Variants in FSTL4 observed in about 807,000 individuals in gnomAD.
FSTL4 encodes follistatin-related protein 4.
A neutral mutation model predicts 78.2 loss-of-function variants in FSTL4; 28 were observed. The observed-to-expected ratio is 0.36, with a 90% confidence interval of 0.27 to 0.49. The LOEUF is 0.49. FSTL4 is among the 20% of genes least tolerant of loss of function. The probability of loss-of-function intolerance (pLI) is 0.98; values close to 1 mark genes in which losing one functional copy is unlikely to be tolerated. For missense variants in FSTL4, 922 were observed against 1,084.9 expected, an observed-to-expected ratio of 0.85 and a Z score of 2.11; for synonymous variants, 422 against 440.5, an observed-to-expected ratio of 0.96 and a Z score of 0.53.
At chr5:133,394,588 C>T (rs557550304) in intron 4 of FSTL4, among the ~76,000 whole-genome samples, 40 of 152,366 alleles carry the variant, frequency 2.6e-4, no homozygotes, top group African/African-American at 8.9e-4. Context: ...GCTGCCTCCC[C>T]GCAGGGCAGG....
chr5:133,627,925 C>A, the FSTL4 span, among the ~76,000 whole-genome samples: 1 of 151,260 alleles, frequency 6.6e-6, no homozygotes, highest in Non-Finnish European at 1.5e-5. Flanking sequence ...TTGAGTATAT[C>A]TCTTTGTATC....
At chr5:133,654,786 A>T in the FSTL4 span, among the ~76,000 whole-genome samples, 1 of 152,132 alleles carries the variant, frequency 6.6e-6, no homozygotes, top group Non-Finnish European at 1.5e-5. Flanking sequence ...GTGCAAAGGG[A>T]CCCACAGGGA....
chr5:133,349,526 G>A (rs576176181), intron 4 of FSTL4, among the ~76,000 whole-genome samples: 1 of 152,010 alleles, frequency 6.6e-6, no homozygotes, highest in African/African-American at 2.4e-5. Flanking sequence ...CTTTATGTTT[G>A]TCATGCTGCC....
intron 4 of FSTL4, among the ~76,000 whole-genome samples, chr5:133,347,002 G>GT (rs553201476): frequency 1.1e-4 from 16 of 151,380 alleles, no homozygotes; most frequent in East Asian, 7.8e-4. Context: ...CCCTCTAAAG[G>GT]TTTTTTTTTA....
chr5:133,540,736 A>AAAAAG lies in FSTL4; in HGVS notation c.160+26449_160+26450insCTTTT, dbSNP rs1191783031. 3.3e-3 allele frequency among the ~76,000 whole-genome samples: 500 copies of AAAAAG among 151,000 alleles called. 4 individuals are homozygous for AAAAAG. The highest frequency in any genetic ancestry group is 0.012 in the African/African-American group (477 of 40,764). On this transcript the variant is annotated intron_variant, in intron 3 of 15. Transcript: ENST00000265342. ...TAACATAGGCAAAAAAAAAAAAAAAAAAAGAAAGAAAAAAACAAACAAAAA... is the reference window on the plus strand; with the variant it reads ...TAACATAGGCAAAAAAAAAAAAAAAAAAAAGAAAGAAAGAAAAAAACAAACAAAAA...
At chr5:133,298,301 C>T (rs989053654) in intron 6 of FSTL4, among the ~76,000 whole-genome samples, 2 of 152,208 alleles carry the variant, frequency 1.3e-5, no homozygotes, top group Non-Finnish European at 2.9e-5. Context: ...ACATGGTGAG[C>T]CCTGCAATGC....
chr5:133,784,238 G>T, the FSTL4 span, among the ~76,000 whole-genome samples: 1 of 151,994 alleles, frequency 6.6e-6, no homozygotes, highest in Non-Finnish European at 1.5e-5. Flanking sequence ...GGTAGGGTAT[G>T]CTTTAGTGAG....
intron 4 of FSTL4, among the ~76,000 whole-genome samples, chr5:133,345,798 T>C (rs1232782578): frequency 6.6e-6 from 1 of 152,156 alleles, no homozygotes; most frequent in African/African-American, 2.4e-5. Flanking sequence ...GGTGGGAGTA[T>C]AAATTAGTTC....
intron 4 of FSTL4, among the ~76,000 whole-genome samples, chr5:133,368,235 C>T (rs781292568): frequency 6.6e-5 from 10 of 152,236 alleles, no homozygotes; most frequent in Non-Finnish European, 1.2e-4. Context: ...CCAGACACTA[C>T]GGTCAGCCAT....
chr5:133,617,127 C>T (rs191748086), upstream of FSTL4, among the ~76,000 whole-genome samples: 55 of 152,046 alleles, frequency 3.6e-4, no homozygotes, highest in South Asian at 5.4e-3. Flanking sequence ...GGTGAAACTC[C>T]GTTTCTACTA....
In FSTL4 at chr5:133,593,355, G is replaced by A. The variant is rs116602520; in HGVS notation, c.126+10503C>T. On this transcript the variant is annotated intron_variant, in intron 2 of 15. Coordinates refer to ENST00000265342, the MANE Select transcript of FSTL4 (RefSeq NM_015082.2). ...GCCATATCAGGTGGAACCACTTCAG[G>A]GGAGAGGTCCCAGAGCAGTACAGGC... 2.5e-3 allele frequency among the ~76,000 whole-genome samples: 384 copies of A among 152,258 alleles called. 3 individuals are homozygous for A. The highest frequency in any genetic ancestry group is 8.8e-3 in the African/African-American group (367 of 41,542).
At chr5:133,354,437 G>A (rs1383636579) in intron 4 of FSTL4, among the ~76,000 whole-genome samples, 3 of 152,208 alleles carry the variant, frequency 2.0e-5, no homozygotes, top group African/African-American at 4.8e-5. Flanking sequence ...CTCAGCCCTC[G>A]TGGTTGAGTG....
At chr5:133,366,512 G>A (rs980597115) in intron 4 of FSTL4, among the ~76,000 whole-genome samples, 2 of 152,114 alleles carry the variant, frequency 1.3e-5, no homozygotes, top group African/African-American at 4.8e-5. Flanking sequence ...TACTGACAGA[G>A]TGACAGTGAC....
At chr5:133,510,133 A>G (rs1408051733) in intron 3 of FSTL4, among the ~76,000 whole-genome samples, 1 of 152,194 alleles carries the variant, frequency 6.6e-6, no homozygotes, top group Non-Finnish European at 1.5e-5. Context: ...TCCCCATTTT[A>G]CAGTTGAAAG....
chr5:133,594,052 G>A lies in FSTL4; in HGVS notation c.126+9806C>T, dbSNP rs1036548454. Among the ~76,000 whole-genome samples, 9 of 152,188 alleles carry A rather than the reference G, an allele frequency of 5.9e-5. No individual in the cohort carries two copies. The East Asian group carries it at 7.7e-4, about 13-fold the overall frequency. On this transcript the variant is annotated intron_variant, in intron 2 of 15. Coordinates refer to ENST00000265342, the MANE Select transcript of FSTL4 (RefSeq NM_015082.2). ...AAGATTTAAGTCAACCAGATGTCCC[G>A]ATTGGCCAAGCCAGCCCAGGGCTCA... is the stretch of plus-strand genomic sequence containing the variant.
chr5:133,375,547 C>G (rs1425898718), intron 4 of FSTL4, among the ~76,000 whole-genome samples: 2 of 151,842 alleles, frequency 1.3e-5, no homozygotes, highest in Non-Finnish European at 2.9e-5. Flanking sequence ...TGCTAGTTCC[C>G]CATTGTCAGA....
chr5:133,409,752 C>T (rs1178879516), intron 3 of FSTL4, among the ~76,000 whole-genome samples: 1 of 152,146 alleles, frequency 6.6e-6, no homozygotes, highest in Non-Finnish European at 1.5e-5. Flanking sequence ...TGCAGAGACC[C>T]AAGACTGGCT....
At chr5:133,719,707 A>G in the FSTL4 span, among the ~76,000 whole-genome samples, 1 of 150,542 alleles carries the variant, frequency 6.6e-6, no homozygotes. Context: ...CCATTTGATT[A>G]TATTAGCAAT....
chr5:133,717,066 C>T, the FSTL4 span, among the ~76,000 whole-genome samples: 1 of 152,208 alleles, frequency 6.6e-6, no homozygotes, highest in Non-Finnish European at 1.5e-5. Context: ...TTTCTTCTGA[C>T]TCCCATCACA....
Sources: gnomAD v4.1 joint callset for allele counts (sites outside exome capture counted in the v4.1 genomes callset) on GRCh38, gnomAD v4.1.1 for gene constraint, MANE v1.5 for transcripts, NCBI Gene and HGNC (gene_info 2026-07-23, HGNC 2026-07-21) for gene names.